The following ZEB2 variants were observed in gnomAD, a reference collection of about 807,000 sequenced individuals.
ZEB2 encodes zinc finger E-box-binding homeobox 2.
In ZEB2, 6 loss-of-function variants were observed where a neutral mutation model predicts 99.9. That is an observed-to-expected ratio of 0.06 (90% CI 0.03 to 0.12). The LOEUF (loss-of-function observed/expected upper bound fraction) is 0.12, where lower values mean the gene tolerates loss of function less well. Among genes scored for constraint, ZEB2 ranks in the 10% least tolerant of loss-of-function variants. The pLI, the probability that ZEB2 is intolerant of heterozygous loss-of-function variation, is 1.00. For missense variants in ZEB2, 969 were observed against 1,502.8 expected (o/e 0.64, Z 5.87); for synonymous variants, 517 against 542.5 (o/e 0.95, Z 0.65).
At chr2:144,452,699 C>A (rs182016675) in intron 2 of ZEB2, among the ~76,000 whole-genome samples, 2 of 152,096 alleles carry the variant, frequency 1.3e-5, no homozygotes, top group East Asian at 1.9e-4. Flanking sequence ...CTCTCACCCC[C>A]CTGTCTTTTG....
chr2:144,443,892 G>A (rs888240563), intron 2 of ZEB2, among the ~76,000 whole-genome samples: 1 of 151,814 alleles, frequency 6.6e-6, no homozygotes, highest in African/African-American at 2.4e-5. Flanking sequence ...TACTGTTCAG[G>A]ACTCATCATT....
At chr2:144,517,569 C>T in intron 1 of ZEB2, 150 bp from the exon 2 acceptor site, 1 of 544,678 alleles carries the variant, frequency 1.8e-6, no homozygotes, top group Non-Finnish European at 3.4e-6. Flanking sequence ...CCTCCCCGCC[C>T]CCCACCCCCA....
At chr2:144,469,661 G>T (rs527578079) in intron 2 of ZEB2, among the ~76,000 whole-genome samples, 1 of 152,192 alleles carries the variant, frequency 6.6e-6, no homozygotes, top group South Asian at 2.1e-4. Context: ...ACCTGAAAAA[G>T]TTATTTTGGG....
chr2:144,458,863 C>A (rs756619060), intron 2 of ZEB2, among the ~76,000 whole-genome samples: 1 of 151,994 alleles, frequency 6.6e-6, no homozygotes, highest in African/African-American at 2.4e-5. Flanking sequence ...AGACAAAGGA[C>A]GAAGACCAGA....
At chr2:144,516,226 C>CCG (rs1553971566) in intron 2 of ZEB2, 4 of 147,358 alleles carry the variant, frequency 2.7e-5, no homozygotes, top group African/African-American at 1.0e-4. Flanking sequence ...TCCCCCACCC[C>CCG]CCCCCGGCAC....
intron 4 of ZEB2, among the ~76,000 whole-genome samples, chr2:144,419,280 A>C (rs1215288707): frequency 6.6e-6 from 1 of 152,224 alleles, no homozygotes; most frequent in Non-Finnish European, 1.5e-5. Flanking sequence ...AGAGTCTATA[A>C]AGTTAGTTCT....
At chr2:144,439,752 A>T (rs1703881892) in intron 2 of ZEB2, among the ~76,000 whole-genome samples, 1 of 152,264 alleles carries the variant, frequency 6.6e-6, no homozygotes, top group Non-Finnish European at 1.5e-5. Flanking sequence ...AAAAGAAGAA[A>T]TGAATCAAGT....
At chr2:144,477,739 A>T (rs754674455) in intron 2 of ZEB2, among the ~76,000 whole-genome samples, 3 of 152,192 alleles carry the variant, frequency 2.0e-5, no homozygotes, top group Non-Finnish European at 4.4e-5. Flanking sequence ...ATAGCTCAGG[A>T]TGCTGGGCTG....
intron 2 of ZEB2, among the ~76,000 whole-genome samples, chr2:144,487,386 T>C (rs924010781): frequency 1.3e-5 from 2 of 152,114 alleles, no homozygotes; most frequent in African/African-American, 4.8e-5. Flanking sequence ...ATACTTATGA[T>C]TGGTAAGTGA....
At chr2:144,507,487 T>C (rs996222945) in intron 2 of ZEB2, 1 of 152,240 alleles carries the variant, frequency 6.6e-6, no homozygotes, top group Non-Finnish European at 1.5e-5. Flanking sequence ...TAAATAATCA[T>C]GAATCATTAT....
chr2:144,502,574 A>G (rs972837422), intron 2 of ZEB2, among the ~76,000 whole-genome samples: 1 of 152,174 alleles, frequency 6.6e-6, no homozygotes, highest in Non-Finnish European at 1.5e-5. Flanking sequence ...TACCTCCTCA[A>G]TATAAACTTG....
chr2:144,463,008 T>C (rs1234074395), intron 2 of ZEB2: 2 of 152,226 alleles, frequency 1.3e-5, no homozygotes, highest in African/African-American at 2.4e-5. Flanking sequence ...TTGTACACAT[T>C]ATTTGTTATA....
intron 4 of ZEB2, among the ~76,000 whole-genome samples, chr2:144,410,524 TAGTC>T (rs1249183758): frequency 4.6e-5 from 7 of 152,218 alleles, no homozygotes; most frequent in Non-Finnish European, 5.9e-5. Context: ...GTCCCCAAAT[TAGTC>T]AGCCCCCATA....
intron 6 of ZEB2, among the ~76,000 whole-genome samples, chr2:144,401,678 T>C (rs1436977979): frequency 6.6e-6 from 1 of 152,096 alleles, no homozygotes; most frequent in Non-Finnish European, 1.5e-5. Context: ...GACAATTCTG[T>C]CAAGAAAAAA....
chr2:144,474,568 A>G (rs1241333113), intron 2 of ZEB2, among the ~76,000 whole-genome samples: 1 of 152,204 alleles, frequency 6.6e-6, no homozygotes, highest in Non-Finnish European at 1.5e-5. Context: ...TTAATAAATG[A>G]TACCAGTGTT....
intron 3 of ZEB2, chr2:144,429,182 C>A (rs12614546): frequency 6.6e-6 from 1 of 152,542 alleles, no homozygotes; most frequent in Non-Finnish European, 1.5e-5. Context: ...GAGAGTCCCA[C>A]CAAACAGCAG....
chr2:144,424,314 G>T (rs1703660534), intron 4 of ZEB2: 2 of 510,668 alleles, frequency 3.9e-6, no homozygotes, highest in African/African-American at 2.0e-5. Context: ...AGTAAAGAAA[G>T]GATTAAAAGG....
chr2:144,448,818 C>T (rs1244529986), intron 2 of ZEB2: 3 of 152,288 alleles, frequency 2.0e-5, no homozygotes, highest in Admixed American at 6.5e-5. Flanking sequence ...AATCTCCCCA[C>T]TCGCAGGCAG....
chr2:144,431,929 T>C (rs952979442), intron 2 of ZEB2, among the ~76,000 whole-genome samples: 1 of 139,444 alleles, frequency 7.2e-6, no homozygotes, highest in African/African-American at 2.7e-5. Context: ...ACAGGAGGAA[T>C]AAAGAAAGGT....
Sources: allele counts gnomAD v4.1 joint callset (sites outside exome capture counted in the v4.1 genomes callset), GRCh38; gene constraint gnomAD v4.1.1; transcripts MANE v1.5; gene names NCBI Gene and HGNC (gene_info 2026-07-23, HGNC 2026-07-21).